The following FGF18 variants were observed in gnomAD, a reference collection of about 807,000 sequenced individuals.
FGF18 encodes the protein fibroblast growth factor 18.
A neutral mutation model predicts 23.0 loss-of-function variants in FGF18; 5 were observed. The ratio of observed to expected loss-of-function variants is 0.22; its 90% CI spans 0.11 to 0.46. The LOEUF is 0.46. Ranked by LOEUF, FGF18 falls within the 20% of genes least tolerant of loss-of-function variation. FGF18 has a pLI of 0.99. For synonymous variants in FGF18, 117 were observed against 118.9 expected, an observed-to-expected ratio of 0.98 and a Z score of 0.10; for missense variants, 180 against 291.6, an observed-to-expected ratio of 0.62 and a Z score of 2.79.
At chr5:171,445,655 A>G (rs559736727) in intron 3 of FGF18, among the ~76,000 whole-genome samples, 1 of 152,188 alleles carries the variant, frequency 6.6e-6, no homozygotes, top group East Asian at 1.9e-4. Context: ...CATGAGCCAC[A>G]GCGCCTGGCA....
chr5:171,443,239 C>T (rs1281993168), intron 3 of FGF18, among the ~76,000 whole-genome samples: 2 of 152,044 alleles, frequency 1.3e-5, no homozygotes, highest in Non-Finnish European at 2.9e-5. Context: ...AAGTGATTCT[C>T]CTGCCTCAGC....
intron 4 of FGF18, among the ~76,000 whole-genome samples, chr5:171,452,215 G>A (rs1772526491): frequency 6.6e-6 from 1 of 152,240 alleles, no homozygotes; most frequent in Non-Finnish European, 1.5e-5. Flanking sequence ...TGGGCACTTA[G>A]TAAGCAGGTA....
At chr5:171,439,944 A>C (rs1772316410) in intron 3 of FGF18, among the ~76,000 whole-genome samples, 1 of 152,220 alleles carries the variant, frequency 6.6e-6, no homozygotes, top group Non-Finnish European at 1.5e-5. Context: ...CTCCAGACTG[A>C]CAGTGCCCAG....
At position 171,457,148 on chromosome 5, in the gene FGF18, G is replaced by T. The variant is rs571279941; in HGVS notation, c.*343G>T. 2.7e-4 allele frequency: 45 copies of T among 165,840 alleles called. 1 individual carries two copies. The South Asian group carries it at 5.8e-3, about 21-fold the overall frequency. The allele number at this position is 165,840 out of a possible 1,614,324, so 10.3% of individuals were successfully genotyped here. On this transcript the variant is annotated 3_prime_UTR_variant, in exon 5 of 5. Coordinates refer to ENST00000274625, the MANE Select transcript of FGF18 (RefSeq NM_003862.3). ...GAAACCAAAGTCCTTTTTCCCAAAG[G>T]TTCTGAAAGGAAAAAAAAAAAAAAC...
Position 171,440,333 on chromosome 5 carries a change from G to A in FGF18, c.250+4060G>A, listed in dbSNP as rs1026205112. ...GGAAGAAGCGGTACTCCTGTCTGCT[G>A]TCAGTGGGACCTGGCAGGTTAGATG... is the stretch of plus-strand genomic sequence containing the variant. On this transcript the variant is annotated intron_variant, in intron 3 of 4. Transcript: ENST00000274625. This position sits in a 1 kb window ranked among gnomAD's most constrained non-coding sequence, Gnocchi z 4.0. Among the ~76,000 whole-genome samples the A allele has an allele frequency of 8.5e-5, 13 of 152,118 alleles. No individual in the cohort carries two copies. The highest frequency in any genetic ancestry group is 1.5e-4 in the Non-Finnish European group (10 of 68,022).
At chr5:171,444,373 C>T (rs1772388730) in intron 3 of FGF18, among the ~76,000 whole-genome samples, 1 of 152,206 alleles carries the variant, frequency 6.6e-6, no homozygotes, top group South Asian at 2.1e-4. Flanking sequence ...TCGGTTTTCT[C>T]ACCTGTAAAT....
At chr5:171,443,425 C>T (rs543528885) in intron 3 of FGF18, among the ~76,000 whole-genome samples, 77 of 150,910 alleles carry the variant, frequency 5.1e-4, no homozygotes, top group African/African-American at 1.8e-3. Context: ...GTGCCCGGCC[C>T]CACGTTCACA....
chr5:171,429,279 G>T (rs996250558), intron 2 of FGF18, among the ~76,000 whole-genome samples: 1 of 152,206 alleles, frequency 6.6e-6, no homozygotes, highest in Non-Finnish European at 1.5e-5. Flanking sequence ...GGCCAGTCCC[G>T]TGGCCTCTCT....
At chr5:171,430,460 C>A (rs1410699730) in intron 2 of FGF18, among the ~76,000 whole-genome samples, 2 of 151,146 alleles carry the variant, frequency 1.3e-5, no homozygotes, top group Non-Finnish European at 2.9e-5. Context: ...AAGTGCTCAA[C>A]ACACAATGCC....
chr5:171,443,435 A>G (rs943477124), intron 3 of FGF18, among the ~76,000 whole-genome samples: 1 of 146,944 alleles, frequency 6.8e-6, no homozygotes, highest in South Asian at 2.1e-4. Flanking sequence ...CCACGTTCAC[A>G]CTCTTAACAT....
intron 3 of FGF18, among the ~76,000 whole-genome samples, chr5:171,448,624 T>A (rs1175073060): frequency 6.6e-6 from 1 of 152,094 alleles, no homozygotes; most frequent in Non-Finnish European, 1.5e-5. Flanking sequence ...AATGGGGTTA[T>A]TTTTGTGATT....
chr5:171,436,180 C>A lies in FGF18; in HGVS notation c.157C>A (p.Arg53=). 2 of 1,608,596 alleles carry A rather than the reference C, an allele frequency of 1.2e-6. No individual in the cohort carries two copies. The highest frequency in any genetic ancestry group is 1.7e-6 in the Non-Finnish European group (2 of 1,176,848). ...GGACGATGTGAGCCGTAAGCAGCTGCGGCTGTACCAGCTCTACAGCCGGAC... is the reference window on the plus strand; with the variant it reads ...GGACGATGTGAGCCGTAAGCAGCTGAGGCTGTACCAGCTCTACAGCCGGAC... ...ARDDVSRKQL[R]LYQLYSRTSG... Residue 53 remains arginine, a synonymous_variant, in exon 3 of 5, where the codon CGG becomes AGG. Transcript: ENST00000274625. The surrounding 1 kb of genome is among the most constrained non-coding windows in gnomAD (Gnocchi z 4.4).
At position 171,435,993 on chromosome 5, in the gene FGF18, G is replaced by A. The variant is rs968642075; in HGVS notation, c.70-100G>A. ...TGCCACGGCCTGGCTCAGAGCCGGT[G>A]TAGAGAAGCCCTTGGTCTTTGTGGT... On this transcript the variant is annotated intron_variant, in intron 2 of 4. Transcript: ENST00000274625. 14 of 977,888 alleles carry A rather than the reference G, an allele frequency of 1.4e-5. No homozygotes were observed. In the Admixed American group the frequency reaches 2.2e-4, roughly 15 times the overall value. The allele number at this position is 977,888 out of a possible 1,614,324, so 60.6% of individuals were successfully genotyped here.
rs771086620 is a variant in FGF18, at chr5:171,456,820, GCC to G, written c.*18_*19del. On this transcript the variant is annotated 3_prime_UTR_variant, in exon 5 of 5. Transcript: ENST00000274625. This position sits in a 1 kb window ranked among gnomAD's most constrained non-coding sequence, Gnocchi z 6.1. ...ACCCTGCCTAGGCCACCCCGCCGCG[GCC>G]CCTCAGGTCGCCCTGGCCACACTCA... The G allele has an allele frequency of 6.3e-7, 1 of 1,597,806 alleles. No homozygotes were observed. The highest frequency in any genetic ancestry group is 2.2e-5 in the East Asian group (1 of 44,574).
Position 171,420,191 on chromosome 5 carries a change from C to T in FGF18, c.-9C>T, listed in dbSNP as rs760151797. On this transcript the variant is annotated 5_prime_UTR_variant, in exon 1 of 5. Coordinates refer to ENST00000274625, the MANE Select transcript of FGF18 (RefSeq NM_003862.3). ...GGGCTAGGAGCCGCCGCCTCCCTCC[C>T]GCCCAGCGATGTATTCAGCGCCCTC... 28 of 1,542,924 alleles carry T rather than the reference C, an allele frequency of 1.8e-5. No homozygotes were observed. The highest frequency in any genetic ancestry group is 5.5e-5 in the African/African-American group (4 of 73,104).
At position 171,436,406 on chromosome 5, in the gene FGF18, G is replaced by T. The variant is rs894303725; in HGVS notation, c.250+133G>T. On this transcript the variant is annotated intron_variant, in intron 3 of 4. Transcript: ENST00000274625. This position sits in a 1 kb window ranked among gnomAD's most constrained non-coding sequence, Gnocchi z 4.4. ...CTTGGACCTGGCACTGACCCTTTCT[G>T]GGTCTGTTTCCTGATCTATAAAATG... The T allele has an allele frequency of 1.4e-5, 9 of 632,830 alleles. No homozygotes were observed. In the Middle Eastern group the frequency reaches 2.4e-3, roughly 171 times the overall value. 39.2% of individuals were successfully genotyped at this position (632,830 alleles called of 1,614,324 possible).
intron 2 of FGF18, 115 bp downstream of exon 2, chr5:171,420,558 A>AGGAG: frequency 9.8e-7 from 1 of 1,016,052 alleles, no homozygotes; most frequent in Non-Finnish European, 1.5e-6. Context: ...CGCTGAGCCC[A>AGGAG]GTGCACCTGT....
chr5:171,449,394 TGTGTGTGA>T (rs1164875084), intron 4 of FGF18, 141 bp downstream of exon 4: 258 of 523,374 alleles, frequency 4.9e-4, no homozygotes, highest in African/African-American at 3.9e-3. Context: ...TGTGTGTGTG[TGTGTGTGA>T]GAGAGAGAGA....
intron 3 of FGF18, among the ~76,000 whole-genome samples, chr5:171,448,026 A>G: frequency 6.6e-6 from 1 of 152,224 alleles, no homozygotes. Flanking sequence ...TGGCCTACCC[A>G]AAGTCACGCA....
Sources: gnomAD v4.1 joint callset for allele counts (sites outside exome capture counted in the v4.1 genomes callset) on GRCh38, gnomAD v4.1.1 for gene constraint, Gnocchi (gnomAD v3.1) non-coding constraint, MANE v1.5 for transcripts, NCBI Gene and HGNC (gene_info 2026-07-23, HGNC 2026-07-21) for gene names.